The following RNF25 variants were observed in gnomAD, a reference collection of about 807,000 sequenced individuals.
RNF25 encodes the protein E3 ubiquitin-protein ligase RNF25.
A neutral mutation model predicts 65.0 loss-of-function variants in RNF25; 32 were observed. The observed-to-expected ratio is 0.49, with a 90% CI of 0.37 to 0.66. The LOEUF is 0.66. Among genes scored for constraint, RNF25 ranks in the 30% least tolerant of loss-of-function variants. RNF25 has a pLI of 0.00. For synonymous variants in RNF25, 207 were observed against 221.2 expected (o/e 0.94, Z 0.57); for missense variants, 493 against 584.8 (o/e 0.84, Z 1.62).
rs185733161 is a variant in RNF25 at position 218,666,275 on chromosome 2, G to A, written c.358-45C>T. 4.4e-3 allele frequency: 6,562 copies of A among 1,496,984 alleles called. 19 individuals are homozygous for A. The highest frequency in any genetic ancestry group is 5.6e-3 in the Non-Finnish European group (6,063 of 1,079,760). The allele number at this position is 1,496,984 out of a possible 1,614,324, so 92.7% of individuals were successfully genotyped here. A position where few individuals can be genotyped will look rare whatever the true frequency, so the allele number is the denominator to read the frequency against. The stretch of plus-strand genomic sequence containing the variant: ...ATTAAACGGGGGTAGGGGGAAGAAC[G>A]GTGAGCAAGGCCTGTCTACTACTCC... On this transcript the variant is annotated intron_variant, in intron 5 of 9. Transcript: ENST00000295704.
chr2:218,670,730 G>A (rs1321107764), intron 1 of RNF25, among the ~76,000 whole-genome samples: 1 of 150,888 alleles, frequency 6.6e-6, no homozygotes, highest in East Asian at 1.9e-4. Context: ...AATTGGGGGA[G>A]TGGGGACTGA....
rs200974404 is a variant in RNF25, at chr2:218,664,553, G to C, written c.802-18C>G. 1.6e-4 allele frequency: 262 copies of C among 1,607,188 alleles called. No homozygotes were observed. Among genetic ancestry groups the C allele is most frequent in the Non-Finnish European group, 1.8e-5 (21 of 1,175,900 alleles). Reference sequence around the variant, plus strand: ...GCAGGAGGCTAGAAATAAGTGACAAGATGCAGTGAGGGAGATGCAGTTCCT... The same window carrying C: ...GCAGGAGGCTAGAAATAAGTGACAACATGCAGTGAGGGAGATGCAGTTCCT... On this transcript the variant is annotated intron_variant, in intron 9 of 9. Coordinates refer to ENST00000295704, the MANE Select transcript of RNF25 (RefSeq NM_022453.3). The surrounding 1 kb of genome is among the most constrained non-coding windows in gnomAD (Gnocchi z 5.1).
Position 218,667,946 on chromosome 2 carries a change from C to T in RNF25, c.323G>A (p.Gly108Glu). Residue 108 changes from glycine to glutamate, a missense_variant, in exon 5 of 10, where the codon GGG becomes GAG. This residue lies in a region of RNF25 where 108 missense variants were observed against 166.0 expected (regional missense o/e 0.65). Coordinates refer to ENST00000295704, the MANE Select transcript of RNF25 (RefSeq NM_022453.3). ...TTCATACAGCATGGCAGTGCCCAGCCCAGCCTTGGCCACGTGGCCCAGCAC... is the reference window on the plus strand; with the variant it reads ...TTCATACAGCATGGCAGTGCCCAGCTCAGCCTTGGCCACGTGGCCCAGCAC... ...LQVLGHVAKA[G>E]LGTAMLYELI... is the part of the protein sequence containing the mutation. 6.2e-7 allele frequency: 1 copy of T among 1,614,192 alleles called. No individual in the cohort carries two copies. The highest frequency in any genetic ancestry group is 8.5e-7 in the Non-Finnish European group (1 of 1,180,032).
intron 7 of RNF25, 97 bp from the exon 8 acceptor site, chr2:218,665,344 A>G (rs1939799199): frequency 2.0e-6 from 2 of 1,012,626 alleles, no homozygotes. Flanking sequence ...CTGGGACTAA[A>G]GGGCACAGGG....
Position 218,664,910 on chromosome 2 carries a change from G to A in RNF25, c.667-37C>T, listed in dbSNP as rs768905003. The A allele has an allele frequency of 6.8e-6, 11 of 1,612,484 alleles. No individual in the cohort carries two copies. The East Asian group carries it at 2.2e-4, about 33-fold the overall frequency. The stretch of plus-strand genomic sequence containing the variant: ...AATGGCAGAGAGGAAATAATGAACA[G>A]CAGAAGGCTGACTCAAACCTCTACT... On this transcript the variant is annotated intron_variant, in intron 8 of 9. Coordinates refer to ENST00000295704, the MANE Select transcript of RNF25 (RefSeq NM_022453.3). This position sits in a 1 kb window ranked among gnomAD's most constrained non-coding sequence, Gnocchi z 5.1.
chr2:218,664,572 A>G lies in RNF25; in HGVS notation c.802-37T>C. ...TGACAAGATGCAGTGAGGGAGATGCAGTTCCTCAAGGTGGGGAACTACAGG... is the reference window on the plus strand; with the variant it reads ...TGACAAGATGCAGTGAGGGAGATGCGGTTCCTCAAGGTGGGGAACTACAGG... On this transcript the variant is annotated intron_variant, in intron 9 of 9. Transcript: ENST00000295704. This position sits in a 1 kb window ranked among gnomAD's most constrained non-coding sequence, Gnocchi z 5.1. 1 of 1,594,624 alleles carries G rather than the reference A, an allele frequency of 6.3e-7. No homozygotes were observed. The highest frequency in any genetic ancestry group is 1.1e-5 in the South Asian group (1 of 89,036).
Position 218,664,550 on chromosome 2 carries a change from C to A in RNF25, c.802-15G>T. 1 of 1,607,902 alleles carries A rather than the reference C, an allele frequency of 6.2e-7. No individual in the cohort carries two copies. The highest frequency in any genetic ancestry group is 8.5e-7 in the Non-Finnish European group (1 of 1,176,402). ...GGGGCAGGAGGCTAGAAATAAGTGACAAGATGCAGTGAGGGAGATGCAGTT... is the reference window on the plus strand; with the variant it reads ...GGGGCAGGAGGCTAGAAATAAGTGAAAAGATGCAGTGAGGGAGATGCAGTT... On this transcript the variant is annotated splice_polypyrimidine_tract_variant and intron_variant, in intron 9 of 9. Transcript: ENST00000295704. The surrounding 1 kb of genome is among the most constrained non-coding windows in gnomAD (Gnocchi z 5.1).
intron 5 of RNF25, 135 bp from the exon 6 acceptor site, chr2:218,666,365 T>G: frequency 1.5e-6 from 1 of 684,902 alleles, no homozygotes; most frequent in Non-Finnish European, 2.6e-6. Context: ...TATGCATTTC[T>G]GGCTTGGTGA....
chr2:218,664,539 G>A lies in RNF25; in HGVS notation c.802-4C>T. ...CAGGTTCCGCAGGGGCAGGAGGCTA[G>A]AAATAAGTGACAAGATGCAGTGAGG... On this transcript the variant is annotated splice_polypyrimidine_tract_variant and splice_region_variant and intron_variant, in intron 9 of 9. Coordinates refer to ENST00000295704, the MANE Select transcript of RNF25 (RefSeq NM_022453.3). This position sits in a 1 kb window ranked among gnomAD's most constrained non-coding sequence, Gnocchi z 5.1. 6.2e-7 allele frequency: 1 copy of A among 1,610,176 alleles called. No individual in the cohort carries two copies. The highest frequency in any genetic ancestry group is 1.1e-5 in the South Asian group (1 of 90,960).
chr2:218,665,299 G>A, intron 7 of RNF25, 52 bp from the exon 8 acceptor site: 2 of 1,537,480 alleles, frequency 1.3e-6, no homozygotes, highest in Non-Finnish European at 1.8e-6. Context: ...ATGCCCCCTG[G>A]TGCTGACCCA....
chr2:218,669,742 A>G (rs1204758944), intron 1 of RNF25, among the ~76,000 whole-genome samples: 3 of 152,252 alleles, frequency 2.0e-5, no homozygotes, highest in Non-Finnish European at 4.4e-5. Flanking sequence ...AGGCTGCCCC[A>G]GCACGACCTA....
chr2:218,668,705 T>A, intron 1 of RNF25, 26 bp from the exon 2 acceptor site: 1 of 1,503,274 alleles, frequency 6.7e-7, no homozygotes, highest in South Asian at 1.1e-5. Flanking sequence ...TAGACTAACT[T>A]ACCATTACAG....
intron 1 of RNF25, among the ~76,000 whole-genome samples, chr2:218,670,197 T>C (rs1325287558): frequency 7.1e-6 from 1 of 140,634 alleles, no homozygotes; most frequent in Non-Finnish European, 1.5e-5. Flanking sequence ...AGACTCTGTC[T>C]CTTAAAAAAA....
At chr2:218,670,862 G>A (rs1664294325) in intron 1 of RNF25, among the ~76,000 whole-genome samples, 1 of 151,646 alleles carries the variant, frequency 6.6e-6, no homozygotes, top group Admixed American at 6.6e-5. Context: ...CTTCCCAGGT[G>A]CCTGCACCTC....
At chr2:218,669,760 G>A (rs974881891) in intron 1 of RNF25, among the ~76,000 whole-genome samples, 1 of 152,244 alleles carries the variant, frequency 6.6e-6, no homozygotes, top group Non-Finnish European at 1.5e-5. Context: ...CTATGTCAGT[G>A]TTGTTAAGTC....
chr2:218,664,004 C>T lies in RNF25; in HGVS notation c.1333G>A (p.Gly445Ser). Residue 445 changes from glycine (G) to serine (S), a missense_variant, in exon 10 of 10, where the codon GGT (glycine) becomes AGT (serine). Gly to Ser is a moderately conservative substitution (Grantham distance 56, BLOSUM62 0). Around this residue, in one of 3 missense-constraint regions of RNF25, gnomAD observed 351 missense variants for 400.2 expected, o/e 0.88. Coordinates refer to ENST00000295704, the MANE Select transcript of RNF25 (RefSeq NM_022453.3). The surrounding 1 kb of genome is among the most constrained non-coding windows in gnomAD (Gnocchi z 5.1). ...LPRGQGAYRPGTRRESLGLES... is the reference protein window; with the variant it reads ...LPRGQGAYRPSTRRESLGLES... ...AGGCCCAGGGACTCCCTCCGAGTAC[C>T]AGGCCGGTATGCTCCCTGGCCCCGA... The T allele has an allele frequency of 1.4e-6, 2 of 1,470,362 alleles. No individual in the cohort carries two copies. The highest frequency in any genetic ancestry group is 1.8e-6 in the Non-Finnish European group (2 of 1,109,818). The allele number at this position is 1,470,362 out of a possible 1,614,324, so 91.1% of individuals were successfully genotyped here. A position where few individuals can be genotyped will look rare whatever the true frequency, so the allele number is the denominator to read the frequency against.
chr2:218,665,239 G>T lies in RNF25; in HGVS notation c.582C>A (p.Val194=). The change falls in exon 8 of 10, where the codon GTC becomes GTA. Residue 194 remains valine, a synonymous_variant. Transcript: ENST00000295704. Reference sequence around the variant, plus strand: ...CTCTGCACACTGGACACTGCACACCGACTGCCTTCTAAAAAAGAGAAAAAT... The same window carrying T: ...CTCTGCACACTGGACACTGCACACCTACTGCCTTCTAAAAAAGAGAAAAAT... The part of the protein sequence containing the change: ...RQHATTKQKA[V]GVQCPVCREP... The T allele has an allele frequency of 6.2e-6, 10 of 1,612,960 alleles. No individual in the cohort carries two copies. The highest frequency in any genetic ancestry group is 8.5e-6 in the Non-Finnish European group (10 of 1,179,474).
At chr2:218,671,320 A>G (rs574419055) in intron 1 of RNF25, among the ~76,000 whole-genome samples, 1 of 152,218 alleles carries the variant, frequency 6.6e-6, no homozygotes, top group African/African-American at 2.4e-5. Context: ...TGGCCTGTTC[A>G]GCATCACACA....
chr2:218,668,625 C>G lies in RNF25; in HGVS notation c.96G>C (p.Gln32His). ...VLESIYLDEL[Q>H]VIKGNGRTSP... is the part of the protein sequence containing the mutation. Reference sequence around the variant, plus strand: ...CATACCTGCCATTTCCTTTAATCACCTGTAGTTCATCTAGATAGATGGACT... The same window carrying G: ...CATACCTGCCATTTCCTTTAATCACGTGTAGTTCATCTAGATAGATGGACT... Residue 32 changes from glutamine (Q) to histidine (H), a missense_variant, in exon 2 of 10, where the codon CAG becomes CAC. Transcript: ENST00000295704. The G allele has an allele frequency of 1.2e-6, 2 of 1,611,866 alleles. No individual in the cohort carries two copies. The highest frequency in any genetic ancestry group is 1.7e-6 in the Non-Finnish European group (2 of 1,178,032).
Sources: gnomAD v4.1 joint callset for allele counts (sites outside exome capture counted in the v4.1 genomes callset) on GRCh38, gnomAD v4.1.1 for gene constraint, gnomAD v4.1.1 regional missense constraint, Gnocchi (gnomAD v3.1) non-coding constraint, MANE v1.5 for transcripts, NCBI Gene and HGNC (gene_info 2026-07-23, HGNC 2026-07-21) for gene names.